Variants in LINGO2 observed in about 807,000 individuals in gnomAD.
The protein encoded by LINGO2 is leucine rich repeat and Ig domain containing 2.
A neutral mutation model predicts 30.6 loss-of-function variants in LINGO2; 14 were observed. The observed-to-expected ratio is 0.46, with a 90% confidence interval of 0.30 to 0.72. The LOEUF is 0.72. LINGO2 is among the 30% of genes least tolerant of loss of function. The pLI, the probability that LINGO2 is intolerant of heterozygous loss-of-function variation, is 0.07. For missense variants in LINGO2, 729 were observed against 751.7 expected (o/e 0.97, Z 0.35); for synonymous variants, 317 against 288.5 (o/e 1.10, Z -1.00).
At chr9:28,269,037 C>A (rs57292013) in intron 4 of LINGO2, among the ~76,000 whole-genome samples, 1,575 of 152,194 alleles carry the variant, frequency 0.01, 34 homozygotes, top group East Asian at 0.056. Flanking sequence ...ACATGCATAA[C>A]CTCTTTTTCT....
At chr9:28,581,711 T>C (rs1043066377) in intron 1 of LINGO2, among the ~76,000 whole-genome samples, 5 of 151,986 alleles carry the variant, frequency 3.3e-5, no homozygotes, top group African/African-American at 1.2e-4. Context: ...CAAGAATGCA[T>C]CTATTCTGCT....
At chr9:29,051,300 T>C in the LINGO2 span, among the ~76,000 whole-genome samples, 1 of 152,300 alleles carries the variant, frequency 6.6e-6, no homozygotes, top group South Asian at 2.1e-4. Context: ...GCCTGTTCAT[T>C]GCTCCCTCCC....
At chr9:28,544,692 A>G (rs1004719678) in intron 1 of LINGO2, among the ~76,000 whole-genome samples, 6 of 151,760 alleles carry the variant, frequency 4.0e-5, no homozygotes. Flanking sequence ...AAAATGCCAT[A>G]AGGCAATATA....
the LINGO2 span, among the ~76,000 whole-genome samples, chr9:28,755,259 G>A: frequency 3.9e-5 from 6 of 151,912 alleles, no homozygotes; most frequent in Non-Finnish European, 8.8e-5. Flanking sequence ...TATTAATTAG[G>A]ACACAGAATG....
At chr9:27,970,989 C>T (rs1820325615) in intron 5 of LINGO2, among the ~76,000 whole-genome samples, 1 of 151,300 alleles carries the variant, frequency 6.6e-6, no homozygotes, top group Non-Finnish European at 1.5e-5. Flanking sequence ...ATAATATCTA[C>T]ATCTTTCTAT....
chr9:28,314,242 A>G (rs1564116480), intron 3 of LINGO2, among the ~76,000 whole-genome samples: 1 of 152,092 alleles, frequency 6.6e-6, no homozygotes, highest in African/African-American at 2.4e-5. Context: ...CCGAGAATTG[A>G]TTTTTGATCT....
the LINGO2 span, among the ~76,000 whole-genome samples, chr9:28,894,991 G>A: frequency 0.77 from 116,308 of 151,990 alleles, 44,900 homozygotes; most frequent in Non-Finnish European, 0.82. Context: ...ACCAACAACT[G>A]TCACAGAAAT....
At chr9:28,774,779 G>T in the LINGO2 span, among the ~76,000 whole-genome samples, 1 of 152,064 alleles carries the variant, frequency 6.6e-6, no homozygotes, top group Admixed American at 6.6e-5. Context: ...GTATTGCAAA[G>T]TTCAATTTTT....
intron 4 of LINGO2, among the ~76,000 whole-genome samples, chr9:28,022,114 G>C (rs529694595): frequency 1.3e-5 from 2 of 152,004 alleles, no homozygotes; most frequent in South Asian, 4.2e-4. Context: ...TGGAATATCA[G>C]TTATACCTTA....
the LINGO2 span, among the ~76,000 whole-genome samples, chr9:28,951,283 C>T: frequency 1.4e-5 from 2 of 146,220 alleles, no homozygotes; most frequent in Non-Finnish European, 3.0e-5. Flanking sequence ...AAAACCAAAC[C>T]TATGTTTCTA....
At chr9:27,983,689 C>G (rs1356506208) in intron 5 of LINGO2, among the ~76,000 whole-genome samples, 1 of 151,868 alleles carries the variant, frequency 6.6e-6, no homozygotes, top group East Asian at 1.9e-4. Context: ...ATGCATCTAA[C>G]TGGTGGCACA....
chr9:28,590,103 T>C (rs1331514082), intron 1 of LINGO2, among the ~76,000 whole-genome samples: 6 of 152,156 alleles, frequency 3.9e-5, no homozygotes, highest in African/African-American at 7.2e-5. Context: ...GCTAGCCATA[T>C]GTAGAAAGCT....
chr9:28,592,062 CTT>C (rs1170206914), intron 1 of LINGO2, among the ~76,000 whole-genome samples: 1 of 151,992 alleles, frequency 6.6e-6, no homozygotes, highest in African/African-American at 2.4e-5. Context: ...CATGGTGTGA[CTT>C]AGGGTTAAAA....
intron 4 of LINGO2, among the ~76,000 whole-genome samples, chr9:28,055,591 T>C (rs1348736718): frequency 1.3e-5 from 2 of 152,188 alleles, no homozygotes; most frequent in African/African-American, 4.8e-5. Flanking sequence ...CAGTCTAATT[T>C]CTCAAAATGT....
chr9:28,042,640 T>C (rs1399549186), intron 4 of LINGO2, among the ~76,000 whole-genome samples: 1 of 152,180 alleles, frequency 6.6e-6, no homozygotes, highest in Non-Finnish European at 1.5e-5. Flanking sequence ...TCATGTGTCT[T>C]ATGGAAAAAT....
At chr9:28,350,815 C>A (rs1419587417) in intron 3 of LINGO2, among the ~76,000 whole-genome samples, 2 of 151,232 alleles carry the variant, frequency 1.3e-5, no homozygotes, top group East Asian at 3.9e-4. Flanking sequence ...GACCACAGTG[C>A]AATCAAACTA....
the LINGO2 span, among the ~76,000 whole-genome samples, chr9:28,967,569 TA>T: frequency 2.0e-5 from 3 of 152,174 alleles, no homozygotes; most frequent in African/African-American, 7.2e-5. Flanking sequence ...ATCATGTTAT[TA>T]CTGTTGAATT....
chr9:28,262,019 T>C (rs2134049310), intron 4 of LINGO2, among the ~76,000 whole-genome samples: 1 of 152,108 alleles, frequency 6.6e-6, no homozygotes, highest in Non-Finnish European at 1.5e-5. Flanking sequence ...ATATATTAAA[T>C]AAGTCAATTT....
intron 5 of LINGO2, among the ~76,000 whole-genome samples, chr9:27,979,310 CTCTA>C (rs1229587740): frequency 1.3e-5 from 2 of 151,876 alleles, no homozygotes; most frequent in African/African-American, 4.8e-5. Context: ...AGTTACTAAT[CTCTA>C]TCTTTTATTT....
Sources: gnomAD v4.1 joint callset for allele counts (sites outside exome capture counted in the v4.1 genomes callset) on GRCh38, gnomAD v4.1.1 for gene constraint, MANE v1.5 for transcripts, NCBI Gene and HGNC (gene_info 2026-07-23, HGNC 2026-07-21) for gene names.